FOXP1: variants seen among roughly 807,000 people sequenced by gnomAD.
FOXP1 encodes forkhead box protein P1.
FOXP1 carries 15 observed loss-of-function variants against 98.2 expected under a neutral mutation model. The observed-to-expected ratio is 0.15, with a 90% CI of 0.10 to 0.24. FOXP1 has a LOEUF of 0.24. Among genes scored for constraint, FOXP1 ranks in the 10% least tolerant of loss-of-function variants. The pLI, the probability that FOXP1 is intolerant of heterozygous loss-of-function variation, is 1.00. For missense variants in FOXP1, 633 were observed against 848.5 expected (o/e 0.75, Z 3.15); for synonymous variants, 371 against 314.5 (o/e 1.18, Z -1.90).
intron 12 of FOXP1, among the ~76,000 whole-genome samples, chr3:71,007,436 T>C (rs1161510248): frequency 2.0e-5 from 3 of 152,310 alleles, no homozygotes; most frequent in Non-Finnish European, 2.9e-5. Context: ...TTTGAAACAA[T>C]TTATGATATC....
At chr3:71,007,112 GA>G (rs1231339021) in intron 12 of FOXP1, among the ~76,000 whole-genome samples, 8 of 152,086 alleles carry the variant, frequency 5.3e-5, no homozygotes, top group East Asian at 3.9e-4. Flanking sequence ...TTAAAAGGGG[GA>G]AAAAATTTTT....
At chr3:71,154,311 C>T (rs564838813) in intron 6 of FOXP1, among the ~76,000 whole-genome samples, 33 of 152,130 alleles carry the variant, frequency 2.2e-4, no homozygotes, top group African/African-American at 8.0e-4. Context: ...CACCATGCTG[C>T]ACAACAATTT....
chr3:71,265,241 C>T (rs182195128), intron 5 of FOXP1, among the ~76,000 whole-genome samples: 7 of 152,292 alleles, frequency 4.6e-5, no homozygotes, highest in East Asian at 1.9e-4. Context: ...TACTGAGCCC[C>T]GTGTTAGCGT....
chr3:71,285,272 A>G (rs1016781078), intron 5 of FOXP1, among the ~76,000 whole-genome samples: 1 of 152,240 alleles, frequency 6.6e-6, no homozygotes, highest in South Asian at 2.1e-4. Flanking sequence ...GGAGGCAGTC[A>G]TTTGTATGAA....
intron 3 of FOXP1, among the ~76,000 whole-genome samples, chr3:71,399,620 G>A (rs570640984): frequency 1.2e-3 from 182 of 152,280 alleles, no homozygotes; most frequent in Non-Finnish European, 2.0e-3. Flanking sequence ...AAGGGGGTTT[G>A]CAACCTTTGA....
intron 5 of FOXP1, among the ~76,000 whole-genome samples, chr3:71,298,880 A>G (rs1392404107): frequency 6.6e-6 from 1 of 152,240 alleles, no homozygotes; most frequent in East Asian, 1.9e-4. Flanking sequence ...TGACAAATAC[A>G]TAAACTTTAG....
chr3:71,002,790 G>A (rs554720911), intron 12 of FOXP1, among the ~76,000 whole-genome samples: 3 of 152,272 alleles, frequency 2.0e-5, no homozygotes, highest in East Asian at 3.9e-4. Context: ...GATCCCAAGA[G>A]ACTTGCCTCA....
At chr3:70,991,633 T>C (rs148350096) in intron 13 of FOXP1, among the ~76,000 whole-genome samples, 1 of 152,238 alleles carries the variant, frequency 6.6e-6, no homozygotes, top group Non-Finnish European at 1.5e-5. Context: ...ATGAAGGGCT[T>C]TGTATGTGTA....
At chr3:71,222,130 T>C (rs2065445280) in intron 5 of FOXP1, among the ~76,000 whole-genome samples, 1 of 152,032 alleles carries the variant, frequency 6.6e-6, no homozygotes, top group Admixed American at 6.6e-5. Flanking sequence ...TCCAGCCTGG[T>C]GCCAGAGCGA....
intron 3 of FOXP1, among the ~76,000 whole-genome samples, chr3:71,425,009 C>T (rs915758171): frequency 2.0e-5 from 3 of 152,182 alleles, no homozygotes; most frequent in Non-Finnish European, 4.4e-5. Flanking sequence ...AGAAAAAAAG[C>T]ACTATCTTGA....
intron 3 of FOXP1, among the ~76,000 whole-genome samples, chr3:71,391,700 C>T (rs1228442085): frequency 6.6e-6 from 1 of 152,196 alleles, no homozygotes; most frequent in Non-Finnish European, 1.5e-5. Context: ...CATTGGGCAG[C>T]TGATGAAAAA....
At chr3:71,369,884 G>A (rs1415257109) in intron 3 of FOXP1, among the ~76,000 whole-genome samples, 1 of 152,122 alleles carries the variant, frequency 6.6e-6, no homozygotes, top group Non-Finnish European at 1.5e-5. Flanking sequence ...AGACAAATGA[G>A]GTTTAAGACC....
intron 3 of FOXP1, among the ~76,000 whole-genome samples, chr3:71,393,689 A>G (rs1260995639): frequency 6.6e-6 from 1 of 152,204 alleles, no homozygotes; most frequent in African/African-American, 2.4e-5. Flanking sequence ...TCTAAACTTA[A>G]CAAGAAAGTC....
chr3:71,454,227 C>T (rs1199476338), intron 3 of FOXP1, among the ~76,000 whole-genome samples: 6 of 152,156 alleles, frequency 3.9e-5, no homozygotes, highest in Non-Finnish European at 5.9e-5. Context: ...AAGAACCCTC[C>T]GTCCAGCTGG....
At chr3:71,074,992 G>A (rs1353033099) in intron 7 of FOXP1, among the ~76,000 whole-genome samples, 3 of 152,212 alleles carry the variant, frequency 2.0e-5, no homozygotes, top group Admixed American at 1.3e-4. Flanking sequence ...ACACATGACT[G>A]AGCACCAGGC....
intron 3 of FOXP1, among the ~76,000 whole-genome samples, chr3:71,444,658 T>C (rs1348585014): frequency 6.6e-6 from 1 of 152,186 alleles, no homozygotes; most frequent in African/African-American, 2.4e-5. Flanking sequence ...CTGCCTGGAA[T>C]TGCTCCTGGA....
At chr3:71,300,334 C>T (rs535654215) in intron 4 of FOXP1, among the ~76,000 whole-genome samples, 136 of 152,240 alleles carry the variant, frequency 8.9e-4, no homozygotes, top group African/African-American at 3.1e-3. Flanking sequence ...ATGCTTTCTG[C>T]CACTTCGGAC....
intron 3 of FOXP1, among the ~76,000 whole-genome samples, chr3:71,412,673 G>T (rs759256983): frequency 3.2e-4 from 48 of 152,128 alleles, no homozygotes; most frequent in Non-Finnish European, 4.6e-4. Flanking sequence ...AAGAAAAATG[G>T]GTCCTTAACA....
chr3:71,405,388 T>A (rs2082244981), intron 3 of FOXP1, among the ~76,000 whole-genome samples: 1 of 152,200 alleles, frequency 6.6e-6, no homozygotes, highest in Admixed American at 6.5e-5. Context: ...GTAGCTGCCA[T>A]TTATTGAGCA....
Sources: allele counts gnomAD v4.1 joint callset (sites outside exome capture counted in the v4.1 genomes callset), GRCh38; gene constraint gnomAD v4.1.1; transcripts MANE v1.5; gene names NCBI Gene and HGNC (gene_info 2026-07-23, HGNC 2026-07-21).